RAI14: variants seen among roughly 807,000 people sequenced by gnomAD.
The protein encoded by RAI14 is retinoic acid induced 14, also known as ankycorbin.
Under a neutral mutation model 115.4 loss-of-function variants are expected in RAI14, and 45 were observed. The observed-to-expected ratio is 0.39, with a 90% CI of 0.31 to 0.50. The LOEUF is 0.50. RAI14 is among the 20% of genes least tolerant of loss of function. The pLI is 0.85. For synonymous variants in RAI14, 371 were observed against 415.4 expected (o/e 0.89, Z 1.30); for missense variants, 939 against 1,131.2 (o/e 0.83, Z 2.44).
intron 12 of RAI14, among the ~76,000 whole-genome samples, chr5:34,818,509 A>C (rs1270111341): frequency 6.6e-6 from 1 of 152,212 alleles, no homozygotes; most frequent in Non-Finnish European, 1.5e-5. Context: ...AATTATTGTG[A>C]TCTTAAATAT....
intron 7 of RAI14, among the ~76,000 whole-genome samples, chr5:34,809,813 A>G (rs981196409): frequency 6.6e-6 from 1 of 152,162 alleles, no homozygotes; most frequent in African/African-American, 2.4e-5. Context: ...TTCTTTCTGC[A>G]CTTGGATAAC....
At chr5:34,754,672 AT>A (rs1239877925) in intron 2 of RAI14, among the ~76,000 whole-genome samples, 1 of 152,148 alleles carries the variant, frequency 6.6e-6, no homozygotes, top group Non-Finnish European at 1.5e-5. Context: ...AGAAAAGTAA[AT>A]TCTGGCCTGC....
At chr5:34,766,783 AATGAT>A (rs1207885567) in intron 3 of RAI14, among the ~76,000 whole-genome samples, 1 of 152,172 alleles carries the variant, frequency 6.6e-6, no homozygotes, top group African/African-American at 2.4e-5. Context: ...CCAGGGGCAG[AATGAT>A]ATGATTTGGC....
At chr5:34,734,897 G>A (rs1744671347) in intron 2 of RAI14, among the ~76,000 whole-genome samples, 1 of 152,036 alleles carries the variant, frequency 6.6e-6, no homozygotes, top group African/African-American at 2.4e-5. Flanking sequence ...CTGACCTTAT[G>A]ATCCGCCTGC....
chr5:34,768,312 T>A (rs1330206046), intron 3 of RAI14, among the ~76,000 whole-genome samples: 1 of 152,174 alleles, frequency 6.6e-6, no homozygotes, highest in African/African-American at 2.4e-5. Flanking sequence ...AACAATTCCT[T>A]TCTTATTAGG....
rs150713636 is a variant in RAI14 at position 34,785,538 on chromosome 5, A to G, written c.168-10401A>G. Among the ~76,000 whole-genome samples, 3 of 152,226 alleles carry G rather than the reference A, an allele frequency of 2.0e-5. No homozygotes were observed. The East Asian group carries it at 5.8e-4, about 29-fold the overall frequency. On this transcript the variant is annotated intron_variant, in intron 3 of 17. Coordinates refer to ENST00000265109, the MANE Select transcript of RAI14 (RefSeq NM_015577.3). ...GTGCAAAATATGACTACTTTGATAT[A>G]CTTCAGGGGTTACCAACTCCAGCTA...
intron 2 of RAI14, among the ~76,000 whole-genome samples, chr5:34,721,028 A>G (rs930111467): frequency 2.6e-5 from 4 of 151,816 alleles, no homozygotes; most frequent in African/African-American, 9.7e-5. Context: ...ACTCCATGAC[A>G]GCCCACAGAG....
chr5:34,690,408 G>T (rs1738425292), intron 2 of RAI14, among the ~76,000 whole-genome samples: 1 of 152,186 alleles, frequency 6.6e-6, no homozygotes, highest in South Asian at 2.1e-4. Flanking sequence ...TGACCCACTG[G>T]TGTGATCGCA....
At position 34,697,983 on chromosome 5, in the gene RAI14, C is replaced by G. The variant is rs554445764; in HGVS notation, c.36+11028C>G. Among the ~76,000 whole-genome samples, 16 of 152,072 alleles carry G rather than the reference C, an allele frequency of 1.1e-4. No homozygotes were observed. The South Asian group carries it at 3.3e-3, about 32-fold the overall frequency. ...TTCACATTTTTGGTTGCCATATTGT[C>G]CTTTTGGTTCATATTGGGTTTATTG... On this transcript the variant is annotated intron_variant, in intron 2 of 17. Coordinates refer to ENST00000265109, the MANE Select transcript of RAI14 (RefSeq NM_015577.3).
chr5:34,810,957 G>A (rs1198996616), intron 7 of RAI14, 55 bp from the exon 8 acceptor site: 2 of 1,607,290 alleles, frequency 1.2e-6, no homozygotes, highest in Non-Finnish European at 8.5e-7. Flanking sequence ...GCTGACTTTT[G>A]CAATTCTGGC....
chr5:34,756,368 T>G (rs1262659097), intron 2 of RAI14, among the ~76,000 whole-genome samples: 1 of 152,216 alleles, frequency 6.6e-6, no homozygotes, highest in Non-Finnish European at 1.5e-5. Flanking sequence ...ACCTGGAGGT[T>G]CATCCCTTCA....
chr5:34,830,738 G>C lies in RAI14; in HGVS notation c.2916G>C (p.Met972Ile). The change falls in exon 18 of 18, where the codon ATG becomes ATC. Residue 972 changes from methionine to isoleucine, a missense_variant. Physicochemically the swap from Met to Ile is conservative, Grantham distance 10 (BLOSUM62 1). Transcript: ENST00000265109. ...AAGTACTGAAGCAAATCCTTACCAT[G>C]TGTAAAAACCAGTCTCAAAAGAAGT... ...VQKVLKQILT[M>I]CKNQSQKK is the part of the protein sequence containing the mutation. 6.2e-7 allele frequency: 1 copy of C among 1,614,166 alleles called. No homozygotes were observed. The highest frequency in any genetic ancestry group is 8.5e-7 in the Non-Finnish European group (1 of 1,180,006).
intron 3 of RAI14, among the ~76,000 whole-genome samples, chr5:34,787,627 T>C (rs980648194): frequency 1.3e-5 from 2 of 152,050 alleles, no homozygotes; most frequent in Admixed American, 1.3e-4. Flanking sequence ...GATACAGGGA[T>C]TTTTTTGAGG....
At chr5:34,799,978 C>T (rs1394830307) in intron 4 of RAI14, among the ~76,000 whole-genome samples, 3 of 152,148 alleles carry the variant, frequency 2.0e-5, no homozygotes, top group South Asian at 2.1e-4. Flanking sequence ...TGAGCCACCA[C>T]GCCCGGCCAG....
chr5:34,766,106 G>C (rs999306107), intron 3 of RAI14, among the ~76,000 whole-genome samples: 2 of 152,216 alleles, frequency 1.3e-5, no homozygotes, highest in African/African-American at 4.8e-5. Flanking sequence ...TGCCCAGGCA[G>C]AAGTTTGCTG....
At chr5:34,774,931 T>C (rs952183259) in intron 3 of RAI14, among the ~76,000 whole-genome samples, 1 of 151,978 alleles carries the variant, frequency 6.6e-6, no homozygotes, top group African/African-American at 2.4e-5. Flanking sequence ...CACAGACCAA[T>C]AGAGCGGAAC....
At chr5:34,688,309 G>T in intron 2 of RAI14, 1 of 1,441,408 alleles carries the variant, frequency 6.9e-7, no homozygotes, top group Non-Finnish European at 9.5e-7. Context: ...TTTGTGACCA[G>T]GTTAACAAAT....
At chr5:34,753,746 T>G (rs1360666620) in intron 2 of RAI14, among the ~76,000 whole-genome samples, 1 of 152,052 alleles carries the variant, frequency 6.6e-6, no homozygotes, top group Non-Finnish European at 1.5e-5. Context: ...AAACCCCACC[T>G]CTACTAAAAA....
chr5:34,779,859 GA>G (rs1414632186), intron 3 of RAI14, among the ~76,000 whole-genome samples: 1 of 151,924 alleles, frequency 6.6e-6, no homozygotes, highest in African/African-American at 2.4e-5. Flanking sequence ...CACAGAATTG[GA>G]AAAAAACTAC....
Sources: allele counts gnomAD v4.1 joint callset (sites outside exome capture counted in the v4.1 genomes callset), GRCh38; gene constraint gnomAD v4.1.1; transcripts MANE v1.5; gene names NCBI Gene and HGNC (gene_info 2026-07-23, HGNC 2026-07-21).